IL1RL2: variants seen among roughly 807,000 people sequenced by gnomAD.
The protein encoded by IL1RL2 is interleukin 1 receptor like 2.
IL1RL2 carries 68 observed loss-of-function variants against 66.8 expected under a neutral mutation model. That is an observed-to-expected ratio of 1.02 (90% CI 0.84 to 1.25). The LOEUF (loss-of-function observed/expected upper bound fraction) is 1.25, where lower values mean the gene tolerates loss of function less well. Ranked by LOEUF, IL1RL2 falls within the 50% of genes most tolerant of loss-of-function variation. The pLI, the probability that IL1RL2 is intolerant of heterozygous loss-of-function variation, is 0.00. For missense variants in IL1RL2, 729 were observed against 709.3 expected (o/e 1.03, Z -0.32); for synonymous variants, 305 against 264.6 (o/e 1.15, Z -1.48).
In IL1RL2 at chr2:102,239,289, C is replaced by T. The variant is rs1402471883; in HGVS notation, c.*48C>T. 1 of 1,535,052 alleles carries T rather than the reference C, an allele frequency of 6.5e-7. No individual in the cohort carries two copies. On this transcript the variant is annotated 3_prime_UTR_variant, in exon 12 of 12. Coordinates refer to ENST00000264257, the MANE Select transcript of IL1RL2 (RefSeq NM_003854.4). The stretch of plus-strand genomic sequence containing the variant: ...GGCTGGAAGATGACTTGTTTTGCTC[C>T]ATGTCTCCTCATTCCTACACCTATT...
chr2:102,213,106 CTA>C (rs1251197999), intron 6 of IL1RL2, among the ~76,000 whole-genome samples: 1 of 152,058 alleles, frequency 6.6e-6, no homozygotes, highest in African/African-American at 2.4e-5. Context: ...GTGTATCAAA[CTA>C]TATAATGCTA....
chr2:102,187,218 C>T (rs1686757937), intron 1 of IL1RL2, 132 bp downstream of exon 1: 1 of 1,209,026 alleles, frequency 8.3e-7, no homozygotes, highest in Non-Finnish European at 1.1e-6. Context: ...CAGGCCGGCC[C>T]CCGACCGGCT....
intron 8 of IL1RL2, among the ~76,000 whole-genome samples, chr2:102,223,583 T>A (rs1331338317): frequency 6.6e-6 from 1 of 152,102 alleles, no homozygotes; most frequent in Non-Finnish European, 1.5e-5. Context: ...CCAATTTCAT[T>A]CTCTTTTAGC....
chr2:102,192,670 C>A (rs568324780), intron 4 of IL1RL2, among the ~76,000 whole-genome samples: 24 of 152,274 alleles, frequency 1.6e-4, no homozygotes, highest in African/African-American at 5.8e-4. Context: ...CAAAAGTTCT[C>A]TTTTCTTGAT....
At chr2:102,225,862 T>A (rs922636659) in intron 8 of IL1RL2, 36 bp from the exon 9 acceptor site, 1 of 1,439,314 alleles carries the variant, frequency 6.9e-7, no homozygotes, top group East Asian at 2.6e-5. Context: ...ATTATTATAA[T>A]TATAATTATT....
downstream of IL1RL2, among the ~76,000 whole-genome samples, chr2:102,240,234 T>A (rs1675189924): frequency 6.6e-6 from 1 of 152,148 alleles, no homozygotes; most frequent in African/African-American, 2.4e-5. Flanking sequence ...AATAGCTTTT[T>A]TTCCCCACAC....
At chr2:102,201,769 C>T in intron 5 of IL1RL2, 54 bp downstream of exon 5, 1 of 1,546,338 alleles carries the variant, frequency 6.5e-7, no homozygotes, top group East Asian at 2.3e-5. Context: ...TTTGTGTGAA[C>T]TGGCTTCTGG....
Position 102,192,130 on chromosome 2 carries a change from A to T in IL1RL2, c.489+10A>T. 6.5e-7 allele frequency: 1 copy of T among 1,530,580 alleles called. No homozygotes were observed. Among genetic ancestry groups the T allele is most frequent in the Non-Finnish European group, 8.8e-7 (1 of 1,138,638 alleles). The allele number at this position is 1,530,580 out of a possible 1,614,324, so 94.8% of individuals were successfully genotyped here. On this transcript the variant is annotated intron_variant, in intron 4 of 11. Coordinates refer to ENST00000264257, the MANE Select transcript of IL1RL2 (RefSeq NM_003854.4). ...AATAAAGTGGTATAAGGTAAAAAAGAATTTTCTTATTGATATTTTTCCTCC... is the reference window on the plus strand; with the variant it reads ...AATAAAGTGGTATAAGGTAAAAAAGTATTTTCTTATTGATATTTTTCCTCC...
At chr2:102,187,757 C>A in intron 1 of IL1RL2, 99 bp from the exon 2 acceptor site, 1 of 1,014,132 alleles carries the variant, frequency 9.9e-7, no homozygotes, top group Non-Finnish European at 1.6e-6. Context: ...GGTCAGCGGC[C>A]TGGGCGGTTG....
chr2:102,228,169 C>T (rs1001282949), intron 9 of IL1RL2, among the ~76,000 whole-genome samples: 1 of 152,156 alleles, frequency 6.6e-6, no homozygotes, highest in African/African-American at 2.4e-5. Context: ...AAATTCTCTA[C>T]AGCTCTGTCT....
chr2:102,204,983 C>T (rs533684997), intron 5 of IL1RL2, among the ~76,000 whole-genome samples: 14 of 151,958 alleles, frequency 9.2e-5, no homozygotes, highest in Admixed American at 3.9e-4. Flanking sequence ...GGTGATATGA[C>T]TTGATTTCTT....
rs773657927 is a variant in IL1RL2, at chr2:102,233,027, C to T, written c.1200C>T (p.Ala400=). The change falls in exon 10 of 12, where the codon GCC becomes GCT. Residue 400 remains alanine (A), a synonymous_variant. Coordinates refer to ENST00000264257, the MANE Select transcript of IL1RL2 (RefSeq NM_003854.4). ...CCCACAAGGAAAGCCAGAGGCATGC[C>T]GTGGATGCCCTGGTGTTGAATATCC... The part of the protein sequence containing the change: ...PKPHKESQRH[A]VDALVLNILP... 52 of 1,613,914 alleles carry T rather than the reference C, an allele frequency of 3.2e-5. No homozygotes were observed. In the South Asian group the frequency reaches 3.5e-4, roughly 11 times the overall value.
rs374611767 is a variant in IL1RL2, at chr2:102,211,813, A to G, written c.650-287A>G. ...TGTTTTTGGATTATTAAGTATTGAG[A>G]TTTTATTATAAAAGCTTATTAGTTT... On this transcript the variant is annotated intron_variant, in intron 5 of 11. Transcript: ENST00000264257. Among the ~76,000 whole-genome samples, 354 of 152,338 alleles carry G rather than the reference A, an allele frequency of 2.3e-3. 2 individuals carry two copies. Among genetic ancestry groups the G allele is most frequent in the African/African-American group, 7.5e-3 (310 of 41,586 alleles).
intron 9 of IL1RL2, among the ~76,000 whole-genome samples, chr2:102,227,970 C>G (rs35200637): frequency 4.6e-5 from 7 of 152,132 alleles, no homozygotes; most frequent in Middle Eastern, 3.4e-3. Flanking sequence ...GTGACTCACA[C>G]GGAGTAGTGG....
At chr2:102,228,653 G>A (rs1335191336) in intron 9 of IL1RL2, among the ~76,000 whole-genome samples, 1 of 147,584 alleles carries the variant, frequency 6.8e-6, no homozygotes, top group Non-Finnish European at 1.5e-5. Flanking sequence ...TGGCTAAAAC[G>A]AAGACAAGCC....
At chr2:102,206,634 C>G (rs1029162771) in intron 5 of IL1RL2, among the ~76,000 whole-genome samples, 8 of 152,220 alleles carry the variant, frequency 5.3e-5, no homozygotes, top group Non-Finnish European at 1.0e-4. Flanking sequence ...TGGAGTGACA[C>G]AGGCACCACT....
rs974484208 is a variant in IL1RL2 at position 102,217,997 on chromosome 2, A to G, written c.725-956A>G. Among the ~76,000 whole-genome samples the G allele has an allele frequency of 1.2e-4, 18 of 152,328 alleles. 1 individual carries two copies. The South Asian group carries it at 1.4e-3, about 12-fold the overall frequency. ...AATCAACAGAGTGAAAACATAATCTACAGAATGGGAGAAAATATTTGTAAA... is the reference window on the plus strand; with the variant it reads ...AATCAACAGAGTGAAAACATAATCTGCAGAATGGGAGAAAATATTTGTAAA... On this transcript the variant is annotated intron_variant, in intron 6 of 11. Transcript: ENST00000264257.
intron 2 of IL1RL2, among the ~76,000 whole-genome samples, chr2:102,188,613 G>C (rs1203968436): frequency 6.9e-6 from 1 of 145,900 alleles, no homozygotes; most frequent in Non-Finnish European, 1.5e-5. Context: ...AGGAAATTTG[G>C]TAGAAATGAA....
intron 9 of IL1RL2, among the ~76,000 whole-genome samples, chr2:102,228,633 T>A (rs945573255): frequency 2.6e-5 from 4 of 152,032 alleles, no homozygotes; most frequent in African/African-American, 9.7e-5. Flanking sequence ...AATGTGCATG[T>A]AGGATAGAAT....
Sources: allele counts gnomAD v4.1 joint callset (sites outside exome capture counted in the v4.1 genomes callset), GRCh38; gene constraint gnomAD v4.1.1; transcripts MANE v1.5; gene names NCBI Gene and HGNC (gene_info 2026-07-23, HGNC 2026-07-21).